CACNA2D3: variants seen among roughly 807,000 people sequenced by gnomAD.
The protein encoded by CACNA2D3 is voltage-dependent calcium channel subunit alpha-2/delta-3.
Under a neutral mutation model 160.6 loss-of-function variants are expected in CACNA2D3, and 60 were observed. The ratio of observed to expected loss-of-function variants is 0.37; its 90% CI spans 0.30 to 0.46. The LOEUF is 0.46. Among genes scored for constraint, CACNA2D3 ranks in the 20% least tolerant of loss-of-function variants. The pLI is 1.00. For missense variants in CACNA2D3, 1,205 were observed against 1,365.0 expected (o/e 0.88, Z 1.85); for synonymous variants, 558 against 492.9 (o/e 1.13, Z -1.75).
At chr3:55,052,577 G>T (rs529021820) in intron 35 of CACNA2D3, among the ~76,000 whole-genome samples, 1 of 152,154 alleles carries the variant, frequency 6.6e-6, no homozygotes, top group South Asian at 2.1e-4. Context: ...TACCAAGAGA[G>T]GAGTGTTGCA....
rs540336466 is a variant in CACNA2D3, at chr3:55,057,687, A to G, written c.2988-15758A>G. On this transcript the variant is annotated intron_variant, in intron 35 of 37. Transcript: ENST00000474759. Reference sequence around the variant, plus strand: ...ATTTGCCCATTAATTTAATTTCACAATGGGAGTTCAATTCAAGTCCATTAA... The same window carrying G: ...ATTTGCCCATTAATTTAATTTCACAGTGGGAGTTCAATTCAAGTCCATTAA... 8.5e-5 allele frequency among the ~76,000 whole-genome samples: 13 copies of G among 152,306 alleles called. No individual in the cohort carries two copies. The South Asian group carries it at 2.5e-3, about 29-fold the overall frequency.
intron 3 of CACNA2D3, among the ~76,000 whole-genome samples, chr3:54,383,325 G>A (rs747296209): frequency 6.6e-6 from 1 of 152,168 alleles, no homozygotes; most frequent in Non-Finnish European, 1.5e-5. Flanking sequence ...TTTTGGGAGG[G>A]CATCTTCTGA....
At chr3:54,668,521 G>A (rs1700107348) in intron 11 of CACNA2D3, among the ~76,000 whole-genome samples, 1 of 152,240 alleles carries the variant, frequency 6.6e-6, no homozygotes, top group Non-Finnish European at 1.5e-5. Flanking sequence ...GTTTACACAG[G>A]CTTATTGCTC....
chr3:54,161,528 T>G (rs1242234442), intron 2 of CACNA2D3, among the ~76,000 whole-genome samples: 1 of 152,208 alleles, frequency 6.6e-6, no homozygotes, highest in Non-Finnish European at 1.5e-5. Context: ...AATTAGTAAC[T>G]GAATGGCATA....
chr3:54,546,667 C>T (rs938243396), intron 5 of CACNA2D3, among the ~76,000 whole-genome samples: 6 of 150,570 alleles, frequency 4.0e-5, no homozygotes, highest in Non-Finnish European at 7.4e-5. Flanking sequence ...CAACCAACTG[C>T]GTATCATGAT....
chr3:54,242,982 C>T (rs1702000919), intron 2 of CACNA2D3, among the ~76,000 whole-genome samples: 1 of 152,212 alleles, frequency 6.6e-6, no homozygotes. Context: ...TGGAAAAGCT[C>T]TGTAGAAATT....
At chr3:54,720,012 ATTAAT>A (rs753542684) in intron 11 of CACNA2D3, among the ~76,000 whole-genome samples, 40 of 151,864 alleles carry the variant, frequency 2.6e-4, no homozygotes, top group Admixed American at 8.5e-4. Flanking sequence ...TTCCAATATG[ATTAAT>A]TTATGTTTTC....
In CACNA2D3 at chr3:54,441,808, G is replaced by A. The variant is rs57181413; in HGVS notation, c.381+55034G>A. 3.4e-3 allele frequency among the ~76,000 whole-genome samples: 511 copies of A among 152,212 alleles called. 20 individuals are homozygous for A. The East Asian group carries it at 0.074, about 22-fold the overall frequency. On this transcript the variant is annotated intron_variant, in intron 4 of 37. Transcript: ENST00000474759. ...GAAAAGATTATCCGTTACCCAACAGGGGCCCATGGGCTGAATGAATAATGA... is the reference window on the plus strand; with the variant it reads ...GAAAAGATTATCCGTTACCCAACAGAGGCCCATGGGCTGAATGAATAATGA...
At chr3:54,874,120 A>G (rs1355429190) in intron 18 of CACNA2D3, among the ~76,000 whole-genome samples, 1 of 152,238 alleles carries the variant, frequency 6.6e-6, no homozygotes, top group Non-Finnish European at 1.5e-5. Flanking sequence ...CCACAGTTAT[A>G]ACCTGCATAC....
intron 10 of CACNA2D3, among the ~76,000 whole-genome samples, chr3:54,629,283 C>T (rs964741645): frequency 1.3e-5 from 2 of 151,940 alleles, no homozygotes; most frequent in Non-Finnish European, 2.9e-5. Context: ...GCAGGTGAGT[C>T]ATTCACTCCA....
chr3:54,919,812 G>T (rs750813023), intron 27 of CACNA2D3, among the ~76,000 whole-genome samples: 1 of 152,196 alleles, frequency 6.6e-6, no homozygotes. Flanking sequence ...ACTCTTGTAG[G>T]TAACTCTTGT....
At chr3:54,303,866 G>A (rs1442849570) in intron 2 of CACNA2D3, among the ~76,000 whole-genome samples, 1 of 141,200 alleles carries the variant, frequency 7.1e-6, no homozygotes, top group Admixed American at 7.5e-5. Flanking sequence ...TCAGCGGGAG[G>A]GATTGCCTTG....
chr3:54,479,683 G>A (rs1011130894), intron 4 of CACNA2D3, among the ~76,000 whole-genome samples: 4 of 152,162 alleles, frequency 2.6e-5, no homozygotes, highest in African/African-American at 7.2e-5. Context: ...TGTGTGTCCT[G>A]CAGCCATAGA....
chr3:54,360,756 A>C (rs1698728160), intron 3 of CACNA2D3, among the ~76,000 whole-genome samples: 1 of 152,170 alleles, frequency 6.6e-6, no homozygotes, highest in African/African-American at 2.4e-5. Context: ...TATATCATTC[A>C]TAATGTAAAG....
intron 3 of CACNA2D3, among the ~76,000 whole-genome samples, chr3:54,329,803 C>A (rs189524360): frequency 5.3e-5 from 8 of 152,160 alleles, no homozygotes; most frequent in Admixed American, 5.2e-4. Context: ...TTATAAATTA[C>A]CAGCAACAAA....
intron 11 of CACNA2D3, among the ~76,000 whole-genome samples, chr3:54,656,900 T>A (rs1699883202): frequency 1.3e-5 from 2 of 152,146 alleles, no homozygotes; most frequent in Admixed American, 6.5e-5. Flanking sequence ...GATCACAGTT[T>A]CATGCGCGTC....
At chr3:54,374,797 T>A (rs774321180) in intron 3 of CACNA2D3, among the ~76,000 whole-genome samples, 1 of 152,224 alleles carries the variant, frequency 6.6e-6, no homozygotes, top group Non-Finnish European at 1.5e-5. Flanking sequence ...TGTATATTCC[T>A]CTTCCTAAAT....
chr3:54,245,580 C>CT (rs1253182810), intron 2 of CACNA2D3, among the ~76,000 whole-genome samples: 2 of 152,128 alleles, frequency 1.3e-5, no homozygotes, highest in African/African-American at 4.8e-5. Flanking sequence ...GCACCTTGGG[C>CT]TAAAGCATGG....
intron 14 of CACNA2D3, among the ~76,000 whole-genome samples, chr3:54,832,011 T>TCACACACA (rs60020847): frequency 8.3e-4 from 99 of 118,840 alleles, no homozygotes; most frequent in African/African-American, 1.3e-3. Context: ...CTCTTCTCTG[T>TCACACACA]CACACACACA....
Sources: allele counts gnomAD v4.1 joint callset (sites outside exome capture counted in the v4.1 genomes callset), GRCh38; gene constraint gnomAD v4.1.1; transcripts MANE v1.5; gene names NCBI Gene and HGNC (gene_info 2026-07-23, HGNC 2026-07-21).